The following CEP78 variants were observed in gnomAD, a reference collection of about 807,000 sequenced individuals.
The protein encoded by CEP78 is centrosomal protein of 78 kDa.
In CEP78, 76 loss-of-function variants were observed where a neutral mutation model predicts 81.2. That is an observed-to-expected ratio of 0.94 (90% confidence interval 0.78 to 1.13). The LOEUF is 1.13. Ranked by LOEUF, CEP78 falls within the 50% of genes most tolerant of loss-of-function variation. The pLI is 0.00. For synonymous variants in CEP78, 293 were observed against 301.4 expected, an observed-to-expected ratio of 0.97 and a Z score of 0.29; for missense variants, 918 against 846.8, an observed-to-expected ratio of 1.08 and a Z score of -1.04.
At position 78,271,113 on chromosome 9, in the gene CEP78, C is replaced by G. The variant is rs567018105; in HGVS notation, c.*262C>G. ...ATAAGGGAATTATCCAAAATGGCTCCGAAGAGGAACTGAAGTTAAGCTGCC... is the reference window on the plus strand; with the variant it reads ...ATAAGGGAATTATCCAAAATGGCTCGGAAGAGGAACTGAAGTTAAGCTGCC... On this transcript the variant is annotated 3_prime_UTR_variant, in exon 17 of 17. Coordinates refer to ENST00000643273, the MANE Select transcript of CEP78 (RefSeq NM_001330691.3). 1 of 354,364 alleles carries G rather than the reference C, an allele frequency of 2.8e-6. No homozygotes were observed. The highest frequency in any genetic ancestry group is 5.0e-6 in the Non-Finnish European group (1 of 198,338). The allele number at this position is 354,364 out of a possible 1,614,324, so 22.0% of individuals were successfully genotyped here.
intron 13 of CEP78, among the ~76,000 whole-genome samples, chr9:78,264,862 T>C (rs949331795): frequency 6.6e-6 from 1 of 152,160 alleles, no homozygotes; most frequent in Non-Finnish European, 1.5e-5. Context: ...TAGATATAGA[T>C]ATGGATCAGT....
At chr9:78,252,417 T>C (rs1826808546) in intron 9 of CEP78, among the ~76,000 whole-genome samples, 1 of 152,214 alleles carries the variant, frequency 6.6e-6, no homozygotes, top group Non-Finnish European at 1.5e-5. Flanking sequence ...AATTGTTCAA[T>C]GCAAAATGAT....
intron 1 of CEP78, among the ~76,000 whole-genome samples, chr9:78,237,728 C>A (rs1376015713): frequency 6.6e-6 from 1 of 152,100 alleles, no homozygotes; most frequent in African/African-American, 2.4e-5. Context: ...CGTAGGAGCT[C>A]AGTCTAGCCT....
intron 11 of CEP78, among the ~76,000 whole-genome samples, chr9:78,261,015 A>G (rs1399271518): frequency 6.6e-6 from 1 of 152,004 alleles, no homozygotes; most frequent in Admixed American, 6.6e-5. Context: ...CAGTGGCGCA[A>G]TCTCAGCTCA....
chr9:78,270,723 C>T (rs1458171755), intron 16 of CEP78, 118 bp from the exon 17 acceptor site: 2 of 565,618 alleles, frequency 3.5e-6, no homozygotes, highest in Admixed American at 7.3e-5. Context: ...GACAGTAACA[C>T]TTGATTTTCA....
Position 78,254,838 on chromosome 9 carries a change from A to G in CEP78, c.1254A>G (p.Gln418=), listed in dbSNP as rs1044987197. The G allele has an allele frequency of 4.9e-5, 78 of 1,605,450 alleles. No individual in the cohort carries two copies. Among genetic ancestry groups the G allele is most frequent in the Non-Finnish European group, 6.5e-5 (76 of 1,176,072 alleles). The part of the protein sequence containing the change: ...KTRDICNQLQ[Q]PGFPVTVTVE... ...CAATCTTGTCCTCTTTTTTTAAGCA[A>G]CCAGGTTTTCCTGTGACTGTGACAG... The change falls in exon 11 of 17, where the codon CAA becomes CAG. Residue 418 remains glutamine (Q), a splice_region_variant and synonymous_variant. Coordinates refer to ENST00000643273, the MANE Select transcript of CEP78 (RefSeq NM_001330691.3).
intron 5 of CEP78, among the ~76,000 whole-genome samples, chr9:78,246,447 A>G (rs1826484043): frequency 6.6e-6 from 1 of 152,194 alleles, no homozygotes; most frequent in Admixed American, 6.5e-5. Context: ...AAAATACAAA[A>G]AAATTAGCCA....
intron 5 of CEP78, among the ~76,000 whole-genome samples, chr9:78,246,094 CTG>C (rs1258231762): frequency 2.6e-5 from 4 of 152,086 alleles, no homozygotes; most frequent in African/African-American, 9.7e-5. Context: ...TTTTTCAACT[CTG>C]TAATTGTAAA....
intron 16 of CEP78, chr9:78,267,124 C>T (rs962908892): frequency 1.7e-5 from 16 of 957,710 alleles, no homozygotes; most frequent in Non-Finnish European, 2.2e-5. Context: ...GAAGATTTCT[C>T]TATACTTTTT....
chr9:78,257,105 C>CAA (rs573769294), intron 11 of CEP78, among the ~76,000 whole-genome samples: 2 of 124,408 alleles, frequency 1.6e-5, no homozygotes, highest in Admixed American at 8.1e-5. Context: ...AAGGAAATTA[C>CAA]AAAAAAAAAA....
intron 8 of CEP78, 118 bp downstream of exon 8, chr9:78,248,991 T>C: frequency 2.1e-6 from 1 of 478,786 alleles, no homozygotes; most frequent in South Asian, 3.1e-5. Context: ...GTGCATATTA[T>C]GAGGTCTGTA....
rs971743733 is a variant in CEP78, at chr9:78,244,134, CTTTT to C, written c.778+518_778+521del. 5.4e-3 allele frequency among the ~76,000 whole-genome samples: 593 copies of C among 110,722 alleles called. 2 individuals are homozygous for C. Among genetic ancestry groups the C allele is most frequent in the African/African-American group, 0.019 (566 of 29,070 alleles). The allele number at this position is 110,722 out of a possible 152,430, so 72.6% of individuals were successfully genotyped here. On this transcript the variant is annotated intron_variant, in intron 5 of 16. Coordinates refer to ENST00000643273, the MANE Select transcript of CEP78 (RefSeq NM_001330691.3). ...TACATCTCTGTGTCCATTGAAGTTA[CTTTT>C]TTTTTTTTTTTTTTTTTTTGAGACA...
chr9:78,262,649 G>C (rs933676270), intron 11 of CEP78, among the ~76,000 whole-genome samples: 4 of 152,086 alleles, frequency 2.6e-5, no homozygotes, highest in African/African-American at 9.7e-5. Context: ...ATAAATATAT[G>C]TGTATGCCTT....
Position 78,273,162 on chromosome 9 carries a change from C to T in CEP78, c.*2311C>T, listed in dbSNP as rs762430494. 4.6e-5 allele frequency: 7 copies of T among 152,112 alleles called. No individual in the cohort carries two copies. Among genetic ancestry groups the T allele is most frequent in the Non-Finnish European group, 7.4e-5 (5 of 68,018 alleles). The allele number at this position is 152,112 out of a possible 1,614,324, so 9.4% of individuals were successfully genotyped here. On this transcript the variant is annotated 3_prime_UTR_variant, in exon 17 of 17. Transcript: ENST00000643273. ...ATATAGCAAGATCAAGTTTTTTACTCATAATAAACATGAACAGGTTAAATT... is the reference window on the plus strand; with the variant it reads ...ATATAGCAAGATCAAGTTTTTTACTTATAATAAACATGAACAGGTTAAATT...
At chr9:78,269,603 C>A (rs1188216773) in intron 16 of CEP78, among the ~76,000 whole-genome samples, 1 of 152,140 alleles carries the variant, frequency 6.6e-6, no homozygotes, top group Non-Finnish European at 1.5e-5. Context: ...TGTCACATGG[C>A]AGAGAATAAG....
chr9:78,265,305 A>G, intron 13 of CEP78, 67 bp from the exon 14 acceptor site: 1 of 1,258,780 alleles, frequency 7.9e-7, no homozygotes, highest in Non-Finnish European at 1.1e-6. Context: ...AGGTTTGGGG[A>G]AATGTAAGCT....
At chr9:78,269,206 A>G (rs1444666253) in intron 16 of CEP78, among the ~76,000 whole-genome samples, 1 of 152,198 alleles carries the variant, frequency 6.6e-6, no homozygotes, top group South Asian at 2.1e-4. Flanking sequence ...TATTTTGGCA[A>G]TTAAATAAGA....
At chr9:78,264,611 G>A (rs902735106) in intron 13 of CEP78, among the ~76,000 whole-genome samples, 2 of 144,818 alleles carry the variant, frequency 1.4e-5, no homozygotes, top group South Asian at 4.4e-4. Context: ...GAAATTCAAG[G>A]TTAGCCTGAG....
At chr9:78,239,922 T>C (rs977648463) in intron 1 of CEP78, 101 bp from the exon 2 acceptor site, 2 of 1,010,394 alleles carry the variant, frequency 2.0e-6, no homozygotes, top group African/African-American at 3.3e-5. Flanking sequence ...AAGAGGACTT[T>C]AAAGGACATG....
Sources: gnomAD v4.1 joint callset for allele counts (sites outside exome capture counted in the v4.1 genomes callset) on GRCh38, gnomAD v4.1.1 for gene constraint, MANE v1.5 for transcripts, NCBI Gene and HGNC (gene_info 2026-07-23, HGNC 2026-07-21) for gene names.